Variants in TRPC5 observed in about 807,000 individuals in gnomAD.
TRPC5 encodes short transient receptor potential channel 5.
Under a neutral mutation model 56.5 loss-of-function variants are expected in TRPC5, and 9 were observed. That is an observed-to-expected ratio of 0.16 (90% CI 0.10 to 0.28). The LOEUF (loss-of-function observed/expected upper bound fraction) is 0.28, where lower values mean the gene tolerates loss of function less well. Among genes scored for constraint, TRPC5 ranks in the 10% least tolerant of loss-of-function variants. TRPC5 has a pLI of 1.00. For missense variants in TRPC5, 469 were observed against 748.9 expected (o/e 0.63, Z 4.36); for synonymous variants, 282 against 278.5 (o/e 1.01, Z -0.13).
At chrX:111,996,675 G>A (rs893418437) in intron 1 of TRPC5, among the ~76,000 whole-genome samples, 2 of 111,656 alleles carry the variant, frequency 1.8e-5, no homozygotes, top group African/African-American at 3.3e-5. Flanking sequence ...CCTGTATTGG[G>A]TGCATATATA....
At chrX:111,782,193 C>T in intron 7 of TRPC5, 55 bp from the exon 8 acceptor site, 1 of 1,057,047 alleles carries the variant, frequency 9.5e-7, no homozygotes, top group Non-Finnish European at 1.3e-6. Context: ...ACGATGTACT[C>T]ACTTCTTATT....
At chrX:112,019,009 C>T (rs1929198746) in intron 1 of TRPC5, among the ~76,000 whole-genome samples, 1 of 112,412 alleles carries the variant, frequency 8.9e-6, no homozygotes, top group African/African-American at 3.2e-5. Context: ...CCTCTCTCAC[C>T]AGCCAGATAA....
At chrX:111,943,588 G>A (rs1424046159) in intron 2 of TRPC5, among the ~76,000 whole-genome samples, 1 of 112,520 alleles carries the variant, frequency 8.9e-6, no homozygotes, top group East Asian at 2.8e-4. Flanking sequence ...GCCCAGAGGG[G>A]CGGGCCATGG....
At chrX:111,815,444 T>G in intron 7 of TRPC5, among the ~76,000 whole-genome samples, 1 of 111,088 alleles carries the variant, frequency 9.0e-6, no homozygotes, top group South Asian at 3.8e-4. Context: ...CTAGATATAC[T>G]CAGGCCCAGC....
chrX:111,968,524 A>G (rs1927675715), intron 1 of TRPC5, among the ~76,000 whole-genome samples: 1 of 110,777 alleles, frequency 9.0e-6, no homozygotes, highest in South Asian at 3.9e-4. Context: ...ACACATGCAT[A>G]CGTATGTTTA....
intron 7 of TRPC5, among the ~76,000 whole-genome samples, chrX:111,784,772 C>T (rs1037397760): frequency 1.2e-4 from 14 of 112,934 alleles, no homozygotes; most frequent in South Asian, 3.6e-4. Context: ...GGTTCTCTCC[C>T]GTGCCTGGCT....
intron 2 of TRPC5, among the ~76,000 whole-genome samples, chrX:111,924,010 T>A (rs895316657): frequency 9.0e-6 from 1 of 111,445 alleles, no homozygotes; most frequent in East Asian, 2.8e-4. Flanking sequence ...TAAATTTCTC[T>A]TGTAGATTGC....
intron 7 of TRPC5, 23 bp from the exon 8 acceptor site, chrX:111,782,161 A>T (rs1317915958): frequency 8.5e-6 from 10 of 1,171,782 alleles, no homozygotes; most frequent in Non-Finnish European, 1.2e-5. Context: ...ATGAAGTTCA[A>T]GGATTTGGGA....
intron 3 of TRPC5, among the ~76,000 whole-genome samples, chrX:111,860,792 C>T (rs1431922529): frequency 8.9e-6 from 1 of 111,748 alleles, no homozygotes; most frequent in Admixed American, 9.5e-5. Context: ...ACATTATTTT[C>T]GCAATTTTAT....
chrX:111,869,641 A>T (rs980886305), intron 3 of TRPC5, among the ~76,000 whole-genome samples: 3 of 112,483 alleles, frequency 2.7e-5, no homozygotes, highest in Non-Finnish European at 5.6e-5. Context: ...AGCAGTCAGA[A>T]TTAGCCCAAT....
chrX:112,029,093 T>G (rs1929512380), intron 1 of TRPC5, among the ~76,000 whole-genome samples: 1 of 111,923 alleles, frequency 8.9e-6, no homozygotes, highest in Admixed American at 9.5e-5. Flanking sequence ...TTATTTTTTC[T>G]GTTTTCTTTT....
chrX:111,781,783 T>C, intron 8 of TRPC5, 152 bp downstream of exon 8: 2 of 439,806 alleles, frequency 4.5e-6, no homozygotes, highest in Non-Finnish European at 7.5e-6. Flanking sequence ...TAATCCCAGC[T>C]ACTGGGGAGG....
At chrX:111,860,262 G>T (rs1444558236) in intron 3 of TRPC5, among the ~76,000 whole-genome samples, 1 of 102,774 alleles carries the variant, frequency 9.7e-6, no homozygotes, top group African/African-American at 3.6e-5. Flanking sequence ...AAACAAACAC[G>T]CTTTAAATTC....
At chrX:111,977,841 A>G (rs2148651254) in intron 1 of TRPC5, among the ~76,000 whole-genome samples, 1 of 112,218 alleles carries the variant, frequency 8.9e-6, no homozygotes, top group East Asian at 2.8e-4. Context: ...GAAGAAACGC[A>G]GATGGCCAAC....
chrX:112,066,374 C>T (rs949593643), intron 1 of TRPC5, among the ~76,000 whole-genome samples: 3 of 111,772 alleles, frequency 2.7e-5, no homozygotes, highest in African/African-American at 6.5e-5. Context: ...CCTGGGAATA[C>T]GGTGTACGGT....
intron 3 of TRPC5, among the ~76,000 whole-genome samples, chrX:111,905,807 C>T (rs1603091446): frequency 1.9e-5 from 2 of 107,379 alleles, no homozygotes; most frequent in Admixed American, 1.0e-4. Flanking sequence ...CCCAGCTACT[C>T]AGGAGGCTGA....
intron 2 of TRPC5, among the ~76,000 whole-genome samples, chrX:111,938,510 C>A (rs193220240): frequency 2.7e-5 from 3 of 111,289 alleles, no homozygotes; most frequent in South Asian, 3.8e-4. Flanking sequence ...TATTATTTTG[C>A]GATACATCCC....
chrX:112,036,079 C>A (rs1053304256), intron 1 of TRPC5, among the ~76,000 whole-genome samples: 2 of 110,864 alleles, frequency 1.8e-5, no homozygotes, highest in African/African-American at 6.6e-5. Context: ...CAGAAAGCAG[C>A]CAGATGTGAA....
intron 1 of TRPC5, among the ~76,000 whole-genome samples, chrX:111,960,547 C>G (rs966231026): frequency 1.8e-5 from 2 of 111,820 alleles, no homozygotes; most frequent in African/African-American, 6.5e-5. Flanking sequence ...TTGAAGTAGT[C>G]AAGGTAAAAG....
Sources: allele counts gnomAD v4.1 joint callset (sites outside exome capture counted in the v4.1 genomes callset), GRCh38; gene constraint gnomAD v4.1.1; transcripts MANE v1.5; gene names NCBI Gene and HGNC (gene_info 2026-07-23, HGNC 2026-07-21).